Variants in PDZD2 observed in about 807,000 individuals in gnomAD.
PDZD2 encodes PDZ domain-containing protein 2.
A neutral mutation model predicts 220.7 loss-of-function variants in PDZD2; 90 were observed. The ratio of observed to expected loss-of-function variants is 0.41; its 90% CI spans 0.34 to 0.49. PDZD2 has a LOEUF of 0.49. Among genes scored for constraint, PDZD2 ranks in the 20% least tolerant of loss-of-function variants. The probability of loss-of-function intolerance (pLI) is 0.28; values close to 1 mark genes in which losing one functional copy is unlikely to be tolerated. For synonymous variants in PDZD2, 1,375 were observed against 1,450.5 expected (o/e 0.95, Z 1.18); for missense variants, 3,174 against 3,608.5 (o/e 0.88, Z 3.08).
intron 1 of PDZD2, among the ~76,000 whole-genome samples, chr5:31,670,206 T>A (rs1276689286): frequency 6.6e-6 from 1 of 152,188 alleles, no homozygotes; most frequent in Non-Finnish European, 1.5e-5. Flanking sequence ...AGAAGAAATG[T>A]ACATACATCC....
chr5:31,746,419 G>A (rs1443826340), intron 1 of PDZD2, among the ~76,000 whole-genome samples: 4 of 152,176 alleles, frequency 2.6e-5, no homozygotes, highest in Non-Finnish European at 4.4e-5. Flanking sequence ...AATGTCCATC[G>A]TGGGTGCAGA....
At chr5:31,740,173 C>G (rs746661907) in intron 1 of PDZD2, among the ~76,000 whole-genome samples, 8 of 152,026 alleles carry the variant, frequency 5.3e-5, no homozygotes, top group Non-Finnish European at 1.0e-4. Context: ...TGTTGCGATT[C>G]TTCAAAGAAA....
At chr5:31,782,725 T>TC (rs1383568349) in intron 1 of PDZD2, among the ~76,000 whole-genome samples, 4 of 149,132 alleles carry the variant, frequency 2.7e-5, no homozygotes, top group African/African-American at 9.9e-5. Flanking sequence ...TTTTTTTTTT[T>TC]TTTTTTGAGA....
rs1303010691 is a variant in PDZD2 at position 32,088,603 on chromosome 5, C to T, written c.5155C>T (p.His1719Tyr). ...GCTGTCTAAAGTAGCCAGGCATTTT[C>T]ACAGTCCGCCCATCATTCTCAGCTC... ...SPLSKVARHF[H>Y]SPPIILSSPN... The change falls in exon 20 of 25, where the codon CAC becomes TAC. Residue 1719 changes from histidine (H) to tyrosine (Y), a missense_variant. Physicochemically the swap from His to Tyr is moderately conservative, Grantham distance 83 (BLOSUM62 2). Transcript: ENST00000438447. The surrounding 1 kb of genome is among the most constrained non-coding windows in gnomAD (Gnocchi z 4.6). The T allele has an allele frequency of 6.2e-7, 1 of 1,614,218 alleles. No individual in the cohort carries two copies. The highest frequency in any genetic ancestry group is 8.5e-7 in the Non-Finnish European group (1 of 1,180,024).
At chr5:31,768,371 A>C (rs930649274) in intron 1 of PDZD2, among the ~76,000 whole-genome samples, 1 of 152,152 alleles carries the variant, frequency 6.6e-6, no homozygotes, top group Non-Finnish European at 1.5e-5. Flanking sequence ...GGCCAGGCTC[A>C]GTGGCTCATG....
At chr5:31,797,622 C>A (rs1004357696) in intron 1 of PDZD2, among the ~76,000 whole-genome samples, 1 of 151,996 alleles carries the variant, frequency 6.6e-6, no homozygotes, top group Non-Finnish European at 1.5e-5. Flanking sequence ...TGTGAGCCAC[C>A]GCGCCCAGCC....
chr5:32,041,813 C>G lies in PDZD2; in HGVS notation c.1519+4471C>G, dbSNP rs568618910. The stretch of plus-strand genomic sequence containing the variant: ...CTGTGACCCTGCCACATCCCCCTCT[C>G]CGAGAAACACCCAAGAATAATCAAT... On this transcript the variant is annotated intron_variant, in intron 7 of 24. Transcript: ENST00000438447. Among the ~76,000 whole-genome samples the G allele has an allele frequency of 3.0e-4, 46 of 151,062 alleles. No individual in the cohort carries two copies. The South Asian group carries it at 6.7e-3, about 22-fold the overall frequency.
At chr5:31,712,651 G>A (rs954501224) in intron 1 of PDZD2, among the ~76,000 whole-genome samples, 27 of 152,154 alleles carry the variant, frequency 1.8e-4, no homozygotes, top group African/African-American at 6.3e-4. Flanking sequence ...ACATGGCACG[G>A]TGCATTTTTG....
rs774740548 is a variant in PDZD2 at position 32,088,621 on chromosome 5, C to T, written c.5173C>T (p.Leu1725Phe). Residue 1725 changes from leucine to phenylalanine, a missense_variant, in exon 20 of 25, where the codon CTC (leucine) becomes TTC (phenylalanine). Leu to Phe is a conservative substitution (Grantham distance 22). Coordinates refer to ENST00000438447, the MANE Select transcript of PDZD2 (RefSeq NM_178140.4). The surrounding 1 kb of genome is among the most constrained non-coding windows in gnomAD (Gnocchi z 4.6). ...GCATTTTCACAGTCCGCCCATCATT[C>T]TCAGCTCCCCCAACATGGTAAATGG... ...ARHFHSPPII[L>F]SSPNMVNGLE... is the part of the protein sequence containing the mutation. The T allele has an allele frequency of 1.2e-6, 2 of 1,614,132 alleles. No homozygotes were observed. Among genetic ancestry groups the T allele is most frequent in the South Asian group, 2.2e-5 (2 of 91,082 alleles).
chr5:31,755,593 T>C (rs1159048134), intron 1 of PDZD2, among the ~76,000 whole-genome samples: 1 of 150,764 alleles, frequency 6.6e-6, no homozygotes, highest in South Asian at 2.1e-4. Flanking sequence ...ACTTAATTTT[T>C]TTTTAATCTT....
chr5:31,883,979 G>A (rs1163663033), intron 2 of PDZD2, among the ~76,000 whole-genome samples: 8 of 152,192 alleles, frequency 5.3e-5, no homozygotes, highest in South Asian at 2.1e-4. Context: ...TTGGGAGGCC[G>A]AAGAGGACAG....
chr5:32,007,656 C>T (rs1445306705), intron 5 of PDZD2, among the ~76,000 whole-genome samples: 1 of 152,136 alleles, frequency 6.6e-6, no homozygotes, highest in Non-Finnish European at 1.5e-5. Context: ...TTTTTTGGTC[C>T]TCTTTTCTGT....
At chr5:31,749,700 G>C (rs1277854314) in intron 1 of PDZD2, among the ~76,000 whole-genome samples, 1 of 152,186 alleles carries the variant, frequency 6.6e-6, no homozygotes, top group Non-Finnish European at 1.5e-5. Flanking sequence ...GGGATTACAG[G>C]CATGAGCCTC....
chr5:31,673,919 T>G (rs1746307850), intron 1 of PDZD2, among the ~76,000 whole-genome samples: 1 of 152,066 alleles, frequency 6.6e-6, no homozygotes, highest in African/African-American at 2.4e-5. Context: ...TGCAGTGAGC[T>G]GAGATCACGC....
chr5:31,952,116 A>C (rs1747233496), intron 2 of PDZD2, among the ~76,000 whole-genome samples: 1 of 152,218 alleles, frequency 6.6e-6, no homozygotes, highest in African/African-American at 2.4e-5. Context: ...TGTAATTATT[A>C]CATAAATAGG....
At chr5:32,037,922 A>G (rs1581342141) in intron 7 of PDZD2, among the ~76,000 whole-genome samples, 1 of 150,202 alleles carries the variant, frequency 6.7e-6, no homozygotes, top group African/African-American at 2.5e-5. Flanking sequence ...GCTCACTACA[A>G]CCTCCGCCTC....
At chr5:32,068,840 C>CGT (rs112138758) in intron 14 of PDZD2, among the ~76,000 whole-genome samples, 60,742 of 151,704 alleles carry the variant, frequency 0.4, 13,113 homozygotes, top group African/African-American at 0.59. Flanking sequence ...ATTCTGTGTG[C>CGT]GTGTGTGTGT....
intron 6 of PDZD2, among the ~76,000 whole-genome samples, chr5:32,017,577 T>C (rs1753877518): frequency 6.6e-6 from 1 of 152,358 alleles, no homozygotes. Flanking sequence ...AGAATATCAG[T>C]GATTTAGACA....
At chr5:31,865,930 C>CTTT (rs35867918) in intron 2 of PDZD2, among the ~76,000 whole-genome samples, 2 of 142,894 alleles carry the variant, frequency 1.4e-5, no homozygotes, top group Admixed American at 7.1e-5. Flanking sequence ...CGCACCTGCC[C>CTTT]TTTTTTTTTT....
Sources: gnomAD v4.1 joint callset for allele counts (sites outside exome capture counted in the v4.1 genomes callset) on GRCh38, gnomAD v4.1.1 for gene constraint, Gnocchi (gnomAD v3.1) non-coding constraint, MANE v1.5 for transcripts, NCBI Gene and HGNC (gene_info 2026-07-23, HGNC 2026-07-21) for gene names.